The following OGFOD3 variants were observed in gnomAD, a reference collection of about 807,000 sequenced individuals.
OGFOD3 encodes 2-oxoglutarate and iron dependent oxygenase domain containing 3.
OGFOD3 carries 35 observed loss-of-function variants against 39.8 expected under a neutral mutation model. The ratio of observed to expected loss-of-function variants is 0.88; its 90% confidence interval spans 0.67 to 1.17. The LOEUF is 1.17. Ranked by LOEUF, OGFOD3 falls within the 50% of genes most tolerant of loss-of-function variation. The pLI, the probability that OGFOD3 is intolerant of heterozygous loss-of-function variation, is 0.00. For synonymous variants in OGFOD3, 200 were observed against 192.0 expected, an observed-to-expected ratio of 1.04 and a Z score of -0.34; for missense variants, 438 against 454.5, an observed-to-expected ratio of 0.96 and a Z score of 0.33.
In OGFOD3 at chr17:82,390,620, C is replaced by G. The variant is rs1019165731; in HGVS notation, c.*1778G>C. On this transcript the variant is annotated 3_prime_UTR_variant, in exon 9 of 9. Transcript: ENST00000313056. This position sits in a 1 kb window ranked among gnomAD's most constrained non-coding sequence, Gnocchi z 4.9. The stretch of plus-strand genomic sequence containing the variant: ...AGGGTTCCCCATACACGGGCAGAAG[C>G]TGTGGACCCAGGGAGCCTATCCCAC... The G allele has an allele frequency of 1.2e-5, 2 of 172,866 alleles. No individual in the cohort carries two copies. Among genetic ancestry groups the G allele is most frequent in the African/African-American group, 4.8e-5 (2 of 41,558 alleles). The allele number at this position is 172,866 out of a possible 1,614,324, so 10.7% of individuals were successfully genotyped here. A position where few individuals can be genotyped will look rare whatever the true frequency, so the allele number is the denominator to read the frequency against.
In OGFOD3 at chr17:82,404,463, C is replaced by A. The variant is rs765698330; in HGVS notation, c.546-373G>T. Among the ~76,000 whole-genome samples, 17 of 152,138 alleles carry A rather than the reference C, an allele frequency of 1.1e-4. No homozygotes were observed. The highest frequency in any genetic ancestry group is 2.5e-4 in the Non-Finnish European group (17 of 68,014). Reference sequence around the variant, plus strand: ...CAACGAAGAGGCTGCTGTCCCCCAACGTGAGTGTGCGGGGTGTGTGGACGT... The same window carrying A: ...CAACGAAGAGGCTGCTGTCCCCCAAAGTGAGTGTGCGGGGTGTGTGGACGT... On this transcript the variant is annotated intron_variant, in intron 6 of 8. Transcript: ENST00000313056. The surrounding 1 kb of genome is among the most constrained non-coding windows in gnomAD (Gnocchi z 4.5).
chr17:82,418,178 C>A (rs2053104380), intron 1 of OGFOD3: 2 of 391,318 alleles, frequency 5.1e-6, no homozygotes, highest in African/African-American at 2.1e-5. Context: ...CTTTCTCCTG[C>A]CCCTCTGGGA....
chr17:82,415,501 G>A lies in OGFOD3; in HGVS notation c.201C>T (p.Asp67=), dbSNP rs8072110. The A allele has an allele frequency of 5.0e-6, 8 of 1,613,608 alleles. No individual in the cohort carries two copies. Among genetic ancestry groups the A allele is most frequent in the East Asian group, 2.2e-5 (1 of 44,876 alleles). ...ALLLWSSLGA[D]DGVAEVLARR... Reference sequence around the variant, plus strand: ...GGGCCAGGACCTCTGCGACCCCGTCGTCGGCCCCCAAGCTGCTCCAGAGCA... The same window carrying A: ...GGGCCAGGACCTCTGCGACCCCGTCATCGGCCCCCAAGCTGCTCCAGAGCA... Residue 67 remains aspartate (D), a synonymous_variant, in exon 2 of 9, where the codon GAC becomes GAT. Coordinates refer to ENST00000313056, the MANE Select transcript of OGFOD3 (RefSeq NM_024648.3). This position sits in a 1 kb window ranked among gnomAD's most constrained non-coding sequence, Gnocchi z 5.3.
At chr17:82,399,375 C>T (rs1402446456) in intron 7 of OGFOD3, among the ~76,000 whole-genome samples, 9 of 152,220 alleles carry the variant, frequency 5.9e-5, no homozygotes, top group Admixed American at 5.2e-4. Flanking sequence ...GCTGCCCACA[C>T]GTGGGAACCA....
Position 82,392,259 on chromosome 17 carries a change from T to A in OGFOD3, c.*139A>T. On this transcript the variant is annotated 3_prime_UTR_variant, in exon 9 of 9. Coordinates refer to ENST00000313056, the MANE Select transcript of OGFOD3 (RefSeq NM_024648.3). The surrounding 1 kb of genome is among the most constrained non-coding windows in gnomAD (Gnocchi z 4.2). ...TTCATTTACTCACAGATGAAAAGATTAACACGTCAGCAAATCAAAATCAGA... is the reference window on the plus strand; with the variant it reads ...TTCATTTACTCACAGATGAAAAGATAAACACGTCAGCAAATCAAAATCAGA... 2.1e-6 allele frequency: 2 copies of A among 933,574 alleles called. No individual in the cohort carries two copies. Among genetic ancestry groups the A allele is most frequent in the South Asian group, 1.7e-5 (1 of 57,902 alleles). 57.8% of individuals were successfully genotyped at this position (933,574 alleles called of 1,614,324 possible).
rs1356764496 is a variant in OGFOD3, at chr17:82,392,367, C to A, written c.*31G>T. 1 of 1,600,358 alleles carries A rather than the reference C, an allele frequency of 6.2e-7. No homozygotes were observed. Among genetic ancestry groups the A allele is most frequent in the South Asian group, 1.1e-5 (1 of 88,560 alleles). The stretch of plus-strand genomic sequence containing the variant: ...CTGGCGCGGCTGCCTCCACACGGGC[C>A]CTCCTGAAGTTACCTTGGCCCGGCT... On this transcript the variant is annotated 3_prime_UTR_variant, in exon 9 of 9. Coordinates refer to ENST00000313056, the MANE Select transcript of OGFOD3 (RefSeq NM_024648.3). This position sits in a 1 kb window ranked among gnomAD's most constrained non-coding sequence, Gnocchi z 4.2.
At chr17:82,417,482 G>C (rs1186027261) in intron 1 of OGFOD3, among the ~76,000 whole-genome samples, 1 of 151,940 alleles carries the variant, frequency 6.6e-6, no homozygotes, top group Non-Finnish European at 1.5e-5. Flanking sequence ...AGCCGGGCAT[G>C]GTGGCGGGCG....
At chr17:82,407,565 C>T (rs913688283) in intron 4 of OGFOD3, among the ~76,000 whole-genome samples, 1 of 152,244 alleles carries the variant, frequency 6.6e-6, no homozygotes, top group African/African-American at 2.4e-5. Context: ...CAGTCCTTCC[C>T]TACGTCCTCA....
At chr17:82,412,430 G>A (rs1384025367) in intron 2 of OGFOD3, among the ~76,000 whole-genome samples, 3 of 141,904 alleles carry the variant, frequency 2.1e-5, no homozygotes, top group African/African-American at 7.9e-5. Flanking sequence ...CGGGGCAGGG[G>A]CATGGTTATC....
At chr17:82,397,266 C>G (rs569285123) in intron 8 of OGFOD3, among the ~76,000 whole-genome samples, 1 of 152,032 alleles carries the variant, frequency 6.6e-6, no homozygotes, top group East Asian at 1.9e-4. Flanking sequence ...GGAGGAACAC[C>G]CGTGCTGAGA....
rs1448974011 is a variant in OGFOD3 at position 82,389,676 on chromosome 17, A to T, written c.*2722T>A. 1.3e-5 allele frequency: 2 copies of T among 152,030 alleles called. No individual in the cohort carries two copies. Among genetic ancestry groups the T allele is most frequent in the African/African-American group, 4.8e-5 (2 of 41,382 alleles). The allele number at this position is 152,030 out of a possible 1,614,324, so 9.4% of individuals were successfully genotyped here. A position where few individuals can be genotyped will look rare whatever the true frequency, so the allele number is the denominator to read the frequency against. ...CTGCCACGCCCAGCTACATTTTTTA[A>T]AAGTTTCTTGTACAGACAGCGTCTC... is the stretch of plus-strand genomic sequence containing the variant. On this transcript the variant is annotated 3_prime_UTR_variant, in exon 9 of 9. Transcript: ENST00000313056. This position sits in a 1 kb window ranked among gnomAD's most constrained non-coding sequence, Gnocchi z 4.6.
At chr17:82,399,242 G>T (rs2052725717) in intron 7 of OGFOD3, among the ~76,000 whole-genome samples, 1 of 152,198 alleles carries the variant, frequency 6.6e-6, no homozygotes, top group Non-Finnish European at 1.5e-5. Flanking sequence ...CCAGCCTCAT[G>T]CATTGTTGCC....
rs756651572 is a variant in OGFOD3 at position 82,415,495 on chromosome 17, CCCG to C, written c.204_206del (p.Asp68_Gly69delinsGlu). The C allele has an allele frequency of 5.6e-6, 9 of 1,613,712 alleles. No homozygotes were observed. Among genetic ancestry groups the C allele is most frequent in the Non-Finnish European group, 6.8e-6 (8 of 1,179,950 alleles). The stretch of plus-strand genomic sequence containing the variant: ...CACGGCGGGCCAGGACCTCTGCGAC[CCCG>C]TCGTCGGCCCCCAAGCTGCTCCAGA... On this transcript the variant is annotated inframe_deletion, in exon 2 of 9. Transcript: ENST00000313056. The surrounding 1 kb of genome is among the most constrained non-coding windows in gnomAD (Gnocchi z 5.3).
intron 8 of OGFOD3, among the ~76,000 whole-genome samples, chr17:82,394,175 A>G: frequency 6.6e-6 from 1 of 152,116 alleles, no homozygotes; most frequent in Middle Eastern, 3.4e-3. Context: ...TACTTTTAGT[A>G]GAGATGTAGT....
intron 1 of OGFOD3, 116 bp downstream of exon 1, chr17:82,418,296 C>CCCCCCCCCCA (rs1555614468): frequency 1.9e-5 from 1 of 52,750 alleles, no homozygotes; most frequent in African/African-American, 1.5e-4. Context: ...GCCCACCTGC[C>CCCCCCCCCCA]CCCCCCCACC....
chr17:82,394,887 T>C (rs529078073), intron 8 of OGFOD3, among the ~76,000 whole-genome samples: 78 of 152,286 alleles, frequency 5.1e-4, no homozygotes, highest in Admixed American at 9.1e-4. Flanking sequence ...CCCTGGTCAG[T>C]GACACCCCCG....
intron 8 of OGFOD3, chr17:82,396,570 T>C (rs1483670956): frequency 6.6e-6 from 1 of 152,256 alleles, no homozygotes; most frequent in Non-Finnish European, 1.5e-5. Context: ...GTTTTAATTA[T>C]CTGAAAGAAG....
chr17:82,392,471 C>T lies in OGFOD3; in HGVS notation c.887G>A (p.Gly296Asp), dbSNP rs2052610335. 5 of 1,610,844 alleles carry T rather than the reference C, an allele frequency of 3.1e-6. No homozygotes were observed. In the South Asian group the frequency reaches 3.3e-5, roughly 11 times the overall value. ...NLHRVEKVHWGTRYAITIAFS... is the reference protein window; with the variant it reads ...NLHRVEKVHWDTRYAITIAFS... ...GGCGATGGTGATGGCGTAACGGGTG[C>T]CCCAGTGGACCTTCTCCACGCGGTG... The change falls in exon 9 of 9, where the codon GGC (glycine) becomes GAC (aspartate). Residue 296 changes from glycine (G) to aspartate (D), a missense_variant. By Grantham distance (94) the Gly-to-Asp change is moderately conservative (BLOSUM62 -1). Coordinates refer to ENST00000313056, the MANE Select transcript of OGFOD3 (RefSeq NM_024648.3). This position sits in a 1 kb window ranked among gnomAD's most constrained non-coding sequence, Gnocchi z 4.2.
At position 82,390,775 on chromosome 17, in the gene OGFOD3, C is replaced by A. The variant is rs914547365; in HGVS notation, c.*1623G>T. 2 of 149,482 alleles carry A rather than the reference C, an allele frequency of 1.3e-5. No homozygotes were observed. Among genetic ancestry groups the A allele is most frequent in the African/African-American group, 5.4e-5 (2 of 37,258 alleles). The allele number at this position is 149,482 out of a possible 1,614,324, so 9.3% of individuals were successfully genotyped here. On this transcript the variant is annotated 3_prime_UTR_variant, in exon 9 of 9. Coordinates refer to ENST00000313056, the MANE Select transcript of OGFOD3 (RefSeq NM_024648.3). The surrounding 1 kb of genome is among the most constrained non-coding windows in gnomAD (Gnocchi z 4.9). The stretch of plus-strand genomic sequence containing the variant: ...CACGCCCGCTCCTTCCCAGGGGTCA[C>A]CATGCCTCAGCTGGCCTCACGCCCG...
Sources: allele counts gnomAD v4.1 joint callset (sites outside exome capture counted in the v4.1 genomes callset), GRCh38; gene constraint gnomAD v4.1.1; non-coding constraint Gnocchi (gnomAD v3.1); transcripts MANE v1.5; gene names NCBI Gene and HGNC (gene_info 2026-07-23, HGNC 2026-07-21).